TBC1D19: variants seen among roughly 807,000 people sequenced by gnomAD.
TBC1D19 encodes TBC1 domain family, member 19.
TBC1D19 carries 60 observed loss-of-function variants against 89.0 expected under a neutral mutation model. That is an observed-to-expected ratio of 0.67 (90% CI 0.55 to 0.84). The LOEUF is 0.84. Among genes scored for constraint, TBC1D19 ranks in the 40% least tolerant of loss-of-function variants. The probability of loss-of-function intolerance (pLI) is 0.00; values close to 1 mark genes in which losing one functional copy is unlikely to be tolerated. For missense variants in TBC1D19, 500 were observed against 610.8 expected, an observed-to-expected ratio of 0.82 and a Z score of 1.91; for synonymous variants, 189 against 199.7, an observed-to-expected ratio of 0.95 and a Z score of 0.45.
At chr4:26,816,588 G>T in the TBC1D19 span, among the ~76,000 whole-genome samples, 224 of 152,258 alleles carry the variant, frequency 1.5e-3, no homozygotes, top group African/African-American at 4.7e-3. Context: ...CTGATAATGT[G>T]ATAAACCAAC....
intron 15 of TBC1D19, among the ~76,000 whole-genome samples, chr4:26,731,894 A>G (rs1005730020): frequency 2.1e-4 from 32 of 152,304 alleles, no homozygotes; most frequent in African/African-American, 7.5e-4. Context: ...TTGAGGATAC[A>G]TAATAAGGAA....
the TBC1D19 span, among the ~76,000 whole-genome samples, chr4:26,804,281 G>A: frequency 3.3e-5 from 5 of 152,058 alleles, no homozygotes; most frequent in Non-Finnish European, 1.5e-5. Flanking sequence ...GAGTAGCTGG[G>A]ATCACAGGCG....
chr4:26,588,474 A>T (rs1739567520), intron 1 of TBC1D19, among the ~76,000 whole-genome samples: 1 of 151,306 alleles, frequency 6.6e-6, no homozygotes, highest in Admixed American at 6.6e-5. Flanking sequence ...TTTGGATTTA[A>T]TTTGCATTTT....
At chr4:26,645,143 G>A (rs968122832) in intron 7 of TBC1D19, among the ~76,000 whole-genome samples, 6 of 152,098 alleles carry the variant, frequency 3.9e-5, no homozygotes, top group Non-Finnish European at 7.4e-5. Flanking sequence ...TCACAGAATT[G>A]GAAAAAACTA....
intron 11 of TBC1D19, among the ~76,000 whole-genome samples, chr4:26,681,443 C>G (rs773959789): frequency 1.3e-5 from 2 of 151,700 alleles, no homozygotes; most frequent in African/African-American, 4.8e-5. Context: ...CCCAGCTACT[C>G]GGGAGGCTGG....
intron 4 of TBC1D19, among the ~76,000 whole-genome samples, chr4:26,636,775 T>G (rs1247472069): frequency 6.6e-6 from 1 of 152,130 alleles, no homozygotes. Context: ...TAAAATTTCA[T>G]TTTTGGAAAA....
intron 8 of TBC1D19, among the ~76,000 whole-genome samples, chr4:26,663,906 A>G (rs1315025000): frequency 6.6e-6 from 1 of 152,178 alleles, no homozygotes; most frequent in Non-Finnish European, 1.5e-5. Flanking sequence ...ATTAAACAGA[A>G]ATTCCTTATA....
chr4:26,738,307 C>T (rs983952205), intron 16 of TBC1D19, among the ~76,000 whole-genome samples: 4 of 151,302 alleles, frequency 2.6e-5, no homozygotes, highest in South Asian at 2.1e-4. Context: ...TTACTGAATC[C>T]ATACCATCTT....
intron 13 of TBC1D19, among the ~76,000 whole-genome samples, chr4:26,689,572 C>A (rs1211485091): frequency 6.6e-6 from 1 of 152,068 alleles, no homozygotes. Flanking sequence ...GAGCTTGTTT[C>A]ATATTTCTGT....
At chr4:26,620,141 T>G (rs944305162) in intron 3 of TBC1D19, among the ~76,000 whole-genome samples, 12 of 152,188 alleles carry the variant, frequency 7.9e-5, no homozygotes, top group African/African-American at 2.7e-4. Context: ...AAGCATTACC[T>G]CCTCAGAATT....
chr4:26,765,338 G>C, the TBC1D19 span, among the ~76,000 whole-genome samples: 2 of 151,868 alleles, frequency 1.3e-5, no homozygotes, highest in Admixed American at 1.3e-4. Context: ...ATGTCCCCAA[G>C]ATATAGCCTG....
chr4:26,798,714 T>C, the TBC1D19 span, among the ~76,000 whole-genome samples: 1 of 151,804 alleles, frequency 6.6e-6, no homozygotes, highest in African/African-American at 2.4e-5. Flanking sequence ...AATGAAATCA[T>C]GTCTTTTGCA....
intron 11 of TBC1D19, among the ~76,000 whole-genome samples, chr4:26,681,265 G>A (rs1449080461): frequency 1.8e-4 from 28 of 152,036 alleles, no homozygotes; most frequent in African/African-American, 1.7e-4. Context: ...TTGGCCGGGC[G>A]TGGTGGCTCA....
chr4:26,610,699 G>A (rs1447032519), intron 1 of TBC1D19, among the ~76,000 whole-genome samples: 1 of 151,810 alleles, frequency 6.6e-6, no homozygotes, highest in Non-Finnish European at 1.5e-5. Flanking sequence ...GGGAACATGT[G>A]GGTTTCGTTT....
the TBC1D19 span, among the ~76,000 whole-genome samples, chr4:26,802,680 A>T: frequency 3.9e-5 from 6 of 152,224 alleles, no homozygotes; most frequent in Non-Finnish European, 8.8e-5. Flanking sequence ...AAATATATGA[A>T]ATAATGGCAT....
chr4:26,687,743 G>A (rs1412582564), intron 12 of TBC1D19, among the ~76,000 whole-genome samples: 1 of 152,106 alleles, frequency 6.6e-6, no homozygotes, highest in Non-Finnish European at 1.5e-5. Flanking sequence ...AAGTGTCATA[G>A]GGAGGCTCAT....
intron 10 of TBC1D19, 45 bp from the exon 11 acceptor site, chr4:26,673,731 T>C: frequency 8.0e-7 from 1 of 1,255,928 alleles, no homozygotes; most frequent in South Asian, 1.2e-5. Flanking sequence ...GTGATGTTTC[T>C]TACATTCTGA....
rs1440575890 is a variant in TBC1D19 at position 26,613,225 on chromosome 4, A to G, written c.156A>G (p.Glu52=). The G allele has an allele frequency of 4.4e-6, 7 of 1,573,264 alleles. No homozygotes were observed. Among genetic ancestry groups the G allele is most frequent in the Non-Finnish European group, 5.2e-6 (6 of 1,155,296 alleles). ...AATCACTGAAAGAAGATATTAAGGAATTCTTTAAAATATCAGGTTTGTAAG... is the reference window on the plus strand; with the variant it reads ...AATCACTGAAAGAAGATATTAAGGAGTTCTTTAAAATATCAGGTTTGTAAG... ...KLESLKEDIK[E]FFKISGWEKK... The change falls in exon 2 of 21, where the codon GAA becomes GAG. Residue 52 remains glutamate (E), a synonymous_variant. Coordinates refer to ENST00000264866, the MANE Select transcript of TBC1D19 (RefSeq NM_018317.4).
intron 3 of TBC1D19, among the ~76,000 whole-genome samples, chr4:26,619,757 AG>A (rs1382018145): frequency 2.0e-5 from 3 of 152,218 alleles, no homozygotes; most frequent in Non-Finnish European, 4.4e-5. Flanking sequence ...TAGGTTGGAT[AG>A]GTTGCCTTTC....
Sources: allele counts gnomAD v4.1 joint callset (sites outside exome capture counted in the v4.1 genomes callset), GRCh38; gene constraint gnomAD v4.1.1; transcripts MANE v1.5; gene names NCBI Gene and HGNC (gene_info 2026-07-23, HGNC 2026-07-21).